The following BOLL variants were observed in gnomAD, a reference collection of about 807,000 sequenced individuals.
BOLL encodes boule RNA binding protein.
Under a neutral mutation model 44.4 loss-of-function variants are expected in BOLL, and 23 were observed. That is an observed-to-expected ratio of 0.52 (90% confidence interval 0.37 to 0.73). The LOEUF (loss-of-function observed/expected upper bound fraction) is 0.73. Among genes scored for constraint, BOLL ranks in the 30% least tolerant of loss-of-function variants. The pLI, the probability that BOLL is intolerant of heterozygous loss-of-function variation, is 0.00. For synonymous variants in BOLL, 97 were observed against 110.8 expected, an observed-to-expected ratio of 0.88 and a Z score of 0.78; for missense variants, 287 against 338.3, an observed-to-expected ratio of 0.85 and a Z score of 1.19.
chr2:197,749,519 G>A (rs1040872233), intron 9 of BOLL, among the ~76,000 whole-genome samples: 1 of 151,974 alleles, frequency 6.6e-6, no homozygotes, highest in African/African-American at 2.4e-5. Flanking sequence ...AACTAGAATA[G>A]CTAGTTTAGA....
chr2:197,734,313 A>C (rs1488481525), intron 10 of BOLL, among the ~76,000 whole-genome samples: 1 of 152,064 alleles, frequency 6.6e-6, no homozygotes. Flanking sequence ...TCAGGAAACA[A>C]CAGGTGCTGG....
At chr2:197,758,670 C>G (rs1688622007) in intron 7 of BOLL, among the ~76,000 whole-genome samples, 1 of 152,090 alleles carries the variant, frequency 6.6e-6, no homozygotes, top group Non-Finnish European at 1.5e-5. Context: ...CTGCTATAGA[C>G]CAGAATGATC....
intron 6 of BOLL, among the ~76,000 whole-genome samples, chr2:197,769,788 T>G (rs968384114): frequency 1.2e-4 from 19 of 152,066 alleles, no homozygotes; most frequent in Non-Finnish European, 5.9e-5. Context: ...GAATCCAACT[T>G]ACAAGGGATG....
At chr2:197,756,861 G>A (rs966819442) in intron 8 of BOLL, among the ~76,000 whole-genome samples, 3 of 152,124 alleles carry the variant, frequency 2.0e-5, no homozygotes, top group Non-Finnish European at 4.4e-5. Context: ...TTGTGATAAT[G>A]TGATCTATGG....
At chr2:197,784,140 C>T (rs1177276154) in intron 1 of BOLL, among the ~76,000 whole-genome samples, 1 of 151,766 alleles carries the variant, frequency 6.6e-6, no homozygotes, top group Non-Finnish European at 1.5e-5. Context: ...TAAGTTTTCT[C>T]CCTCATCATT....
At chr2:197,786,101 G>C, upstream of BOLL, 1 of 1,483,342 alleles carries the variant, frequency 6.7e-7, no homozygotes, top group Non-Finnish European at 9.0e-7. This position sits in a 1 kb window ranked among gnomAD's most constrained non-coding sequence, Gnocchi z 5.9. Context: ...GTCCTGCCTG[G>C]GACTCTCGCC....
intron 7 of BOLL, chr2:197,758,822 A>G: frequency 1.5e-6 from 1 of 676,106 alleles, no homozygotes; most frequent in Middle Eastern, 4.0e-4. Flanking sequence ...TAATATAGCA[A>G]GAAACTGACA....
At chr2:197,732,331 C>T (rs973759578) in intron 10 of BOLL, among the ~76,000 whole-genome samples, 2 of 151,638 alleles carry the variant, frequency 1.3e-5, no homozygotes, top group Non-Finnish European at 1.5e-5. Context: ...GCTTACCAAC[C>T]AAAAAGAGTC....
chr2:197,747,148 T>A (rs1302819700), intron 9 of BOLL, among the ~76,000 whole-genome samples: 1 of 152,110 alleles, frequency 6.6e-6, no homozygotes, highest in Non-Finnish European at 1.5e-5. Flanking sequence ...TGTGAGGTGA[T>A]GGATTAGCTT....
intron 6 of BOLL, among the ~76,000 whole-genome samples, chr2:197,768,702 A>G (rs1158977759): frequency 6.6e-6 from 1 of 150,542 alleles, no homozygotes; most frequent in East Asian, 1.9e-4. Flanking sequence ...TTGTAGTAAA[A>G]AACAAAAAAC....
At chr2:197,756,123 A>C (rs1362731543) in intron 9 of BOLL, among the ~76,000 whole-genome samples, 1 of 152,198 alleles carries the variant, frequency 6.6e-6, no homozygotes, top group East Asian at 1.9e-4. Flanking sequence ...TGTTAGTAAC[A>C]ATACAGATTG....
At chr2:197,732,118 T>C (rs1194460087) in intron 10 of BOLL, among the ~76,000 whole-genome samples, 1 of 148,702 alleles carries the variant, frequency 6.7e-6, no homozygotes, top group Non-Finnish European at 1.5e-5. Flanking sequence ...TAAAAAATGA[T>C]AAAGGGGATA....
chr2:197,779,261 T>C (rs1193094234), intron 2 of BOLL, among the ~76,000 whole-genome samples, 195 bp from the exon 3 acceptor site: 1 of 152,048 alleles, frequency 6.6e-6, no homozygotes, highest in Non-Finnish European at 1.5e-5. Flanking sequence ...AGCTATGTTG[T>C]TAAATTACCA....
chr2:197,753,538 CTCA>C (rs996529222), intron 9 of BOLL, among the ~76,000 whole-genome samples: 134 of 152,278 alleles, frequency 8.8e-4, no homozygotes, highest in African/African-American at 3.0e-3. Context: ...TGAAAAAAAG[CTCA>C]TCATCACTGG....
chr2:197,753,846 T>C (rs1314562530), intron 9 of BOLL, among the ~76,000 whole-genome samples: 4 of 152,210 alleles, frequency 2.6e-5, no homozygotes, highest in Admixed American at 6.5e-5. Flanking sequence ...TGTATGTTTA[T>C]TGCAGCACTA....
chr2:197,784,399 T>C (rs1280921215), intron 1 of BOLL, among the ~76,000 whole-genome samples: 63 of 1,888 alleles, frequency 0.033, 3 homozygotes, highest in African/African-American at 0.092. Context: ...TACATATATA[T>C]ATATATATAT....
intron 5 of BOLL, among the ~76,000 whole-genome samples, chr2:197,773,518 C>T (rs1056305648): frequency 1.3e-5 from 2 of 151,812 alleles, no homozygotes; most frequent in African/African-American, 4.8e-5. Flanking sequence ...CGATACTGAA[C>T]ATTTCAATTA....
At chr2:197,730,820 A>G (rs1311417093) in intron 10 of BOLL, among the ~76,000 whole-genome samples, 1 of 152,212 alleles carries the variant, frequency 6.6e-6, no homozygotes, top group Non-Finnish European at 1.5e-5. Context: ...GAAGCACTAA[A>G]CATGGAAAGG....
At chr2:197,754,122 A>C (rs1320214603) in intron 9 of BOLL, among the ~76,000 whole-genome samples, 1 of 152,036 alleles carries the variant, frequency 6.6e-6, no homozygotes, top group Non-Finnish European at 1.5e-5. Context: ...AATATCACAC[A>C]CCAGGGCCTG....
Sources: allele counts gnomAD v4.1 joint callset (sites outside exome capture counted in the v4.1 genomes callset), GRCh38; gene constraint gnomAD v4.1.1; non-coding constraint Gnocchi (gnomAD v3.1); transcripts MANE v1.5; gene names NCBI Gene and HGNC (gene_info 2026-07-23, HGNC 2026-07-21).